Variants in FANCB observed in about 807,000 individuals in gnomAD.
FANCB encodes Fanconi anemia group B protein.
FANCB carries 5 observed loss-of-function variants against 38.9 expected under a neutral mutation model. That is an observed-to-expected ratio of 0.13 (90% CI 0.07 to 0.27). FANCB has a LOEUF of 0.27. Among genes scored for constraint, FANCB ranks in the 10% least tolerant of loss-of-function variants. The pLI is 1.00. For missense variants in FANCB, 573 were observed against 602.7 expected (o/e 0.95, Z 0.52); for synonymous variants, 236 against 215.4 (o/e 1.10, Z -0.84).
chrX:14,846,061 ATTGAACTATTGTT>A (rs943656815), intron 7 of FANCB, among the ~76,000 whole-genome samples: 6 of 112,008 alleles, frequency 5.4e-5, no homozygotes, highest in Non-Finnish European at 1.1e-4. Flanking sequence ...ATTTGCACTA[ATTGAACTATTGTT>A]TTGTTGGGAA....
chrX:14,839,300 AAACAAC>A (rs199956382), downstream of FANCB, among the ~76,000 whole-genome samples: 1 of 110,160 alleles, frequency 9.1e-6, no homozygotes, highest in Non-Finnish European at 1.9e-5. Context: ...TCAAAAACAA[AAACAAC>A]AACAACAACA....
At chrX:14,805,604 A>T in the FANCB span, among the ~76,000 whole-genome samples, 1 of 111,911 alleles carries the variant, frequency 8.9e-6, no homozygotes, top group Admixed American at 9.5e-5. Flanking sequence ...CAAACCCATT[A>T]GGGATGACCC....
the FANCB span, among the ~76,000 whole-genome samples, chrX:14,812,332 A>C: frequency 9.1e-6 from 1 of 110,476 alleles, no homozygotes; most frequent in Non-Finnish European, 1.9e-5. Context: ...AACTGAAGGA[A>C]ATAGAGACAC....
the FANCB span, among the ~76,000 whole-genome samples, chrX:14,780,813 GT>G: frequency 1.2e-4 from 12 of 98,289 alleles, 1 homozygote; most frequent in South Asian, 4.2e-4. Flanking sequence ...GGTTTTTTTT[GT>G]TTTTTTTTTC....
the FANCB span, among the ~76,000 whole-genome samples, chrX:14,798,840 G>C: frequency 5.4e-5 from 6 of 111,724 alleles, no homozygotes; most frequent in African/African-American, 2.0e-4. Context: ...ATATGATTAA[G>C]AGAATAGAAA....
At chrX:14,816,704 G>A in the FANCB span, among the ~76,000 whole-genome samples, 2 of 112,190 alleles carry the variant, frequency 1.8e-5, no homozygotes, top group Non-Finnish European at 3.8e-5. Flanking sequence ...CTGGCAGAGT[G>A]AGAACATTAA....
At chrX:14,691,286 T>A in the FANCB span, among the ~76,000 whole-genome samples, 1,030 of 67,843 alleles carry the variant, frequency 0.015, 16 homozygotes, top group African/African-American at 0.046. Context: ...TGTGTGTGTG[T>A]GTGTGTGTGT....
rs1430315686 is a variant in FANCB at position 14,864,643 on chromosome X, T to C, written c.868A>G (p.Met290Val). ...AAGAGGTTTCCTCCACCTGAATCCA[T>C]AAGTTGAACTGCACAAGGATCTCCA... is the stretch of plus-strand genomic sequence containing the variant. ...PFGDPCAVQLMDSGGGNLFFV... is the reference protein window; with the variant it reads ...PFGDPCAVQLVDSGGGNLFFV... Residue 290 changes from methionine to valine, a missense_variant, in exon 3 of 10, where the codon ATG becomes GTG. Transcript: ENST00000650831. 4.1e-6 allele frequency: 5 copies of C among 1,208,741 alleles called. No homozygotes were observed. Among genetic ancestry groups the C allele is most frequent in the Non-Finnish European group, 5.6e-6 (5 of 892,569 alleles).
At chrX:14,802,930 G>A in the FANCB span, among the ~76,000 whole-genome samples, 1 of 111,961 alleles carries the variant, frequency 8.9e-6, no homozygotes, top group East Asian at 2.8e-4. Context: ...AAGCTGAAGT[G>A]CAATCAAACA....
chrX:14,757,881 G>A, the FANCB span, among the ~76,000 whole-genome samples: 6 of 111,653 alleles, frequency 5.4e-5, no homozygotes, highest in African/African-American at 1.3e-4. Context: ...CAGAAGCCAC[G>A]GCAGGCAGGC....
chrX:14,786,451 A>T, the FANCB span, among the ~76,000 whole-genome samples: 1 of 111,215 alleles, frequency 9.0e-6, no homozygotes, highest in African/African-American at 3.3e-5. Context: ...CCCATTATCT[A>T]AAAGTGGTGG....
intron 6 of FANCB, among the ~76,000 whole-genome samples, chrX:14,851,293 C>G (rs1382840145): frequency 8.9e-6 from 1 of 111,949 alleles, no homozygotes; most frequent in Non-Finnish European, 1.9e-5. Flanking sequence ...TTAACCCACA[C>G]AATAACCCTA....
Position 14,844,935 on chromosome X carries a change from C to T in FANCB, c.1848G>A (p.Val616=), listed in dbSNP as rs1453133302. ...CTAGACTTAAAAAAACTCTGCCACA[C>T]ACAACATAACGATCTTTAGGACAGT... is the stretch of plus-strand genomic sequence containing the variant. ...SGNCPKDRYV[V]CGRVFLSLED... Residue 616 remains valine, a synonymous_variant, in exon 8 of 10, where the codon GTG becomes GTA. Coordinates refer to ENST00000650831, the MANE Select transcript of FANCB (RefSeq NM_001018113.3). 8.3e-7 allele frequency: 1 copy of T among 1,199,874 alleles called. No individual in the cohort carries two copies. Among genetic ancestry groups the T allele is most frequent in the Admixed American group, 2.2e-5 (1 of 44,575 alleles).
At chrX:14,847,858 A>C (rs1163408488) in intron 7 of FANCB, among the ~76,000 whole-genome samples, 1 of 111,972 alleles carries the variant, frequency 8.9e-6, no homozygotes, top group African/African-American at 3.2e-5. Context: ...AGGAAAAAGA[A>C]GACACAAATA....
At chrX:14,704,352 A>T in the FANCB span, among the ~76,000 whole-genome samples, 1 of 112,251 alleles carries the variant, frequency 8.9e-6, no homozygotes, top group African/African-American at 3.2e-5. Flanking sequence ...TAATTGGTGT[A>T]AGATTCTTTT....
At chrX:14,838,359 G>A (rs941502461) in intron 10 of FANCB, among the ~76,000 whole-genome samples, 2 of 111,585 alleles carry the variant, frequency 1.8e-5, no homozygotes, top group African/African-American at 6.5e-5. Context: ...GGAAACACCT[G>A]ACTAGCCTAC....
At chrX:14,802,198 G>C in the FANCB span, among the ~76,000 whole-genome samples, 5 of 111,648 alleles carry the variant, frequency 4.5e-5, no homozygotes, top group African/African-American at 1.6e-4. Flanking sequence ...AGACAACTAG[G>C]AGTTTGCCAG....
the FANCB span, among the ~76,000 whole-genome samples, chrX:14,810,471 A>C: frequency 4.4e-5 from 5 of 112,451 alleles, no homozygotes; most frequent in South Asian, 3.7e-4. Context: ...AAGTGCTTAA[A>C]GGAGCTGATG....
At chrX:14,803,219 G>A in the FANCB span, among the ~76,000 whole-genome samples, 2 of 111,882 alleles carry the variant, frequency 1.8e-5, no homozygotes, top group Non-Finnish European at 3.8e-5. Context: ...GTTAACCAGG[G>A]TCCTGATCTC....
Sources: gnomAD v4.1 joint callset for allele counts (sites outside exome capture counted in the v4.1 genomes callset) on GRCh38, gnomAD v4.1.1 for gene constraint, MANE v1.5 for transcripts, NCBI Gene and HGNC (gene_info 2026-07-23, HGNC 2026-07-21) for gene names.